Variants in CSMD1 observed in about 807,000 individuals in gnomAD.
The protein encoded by CSMD1 is CUB and sushi domain-containing protein 1.
A neutral mutation model predicts 417.5 loss-of-function variants in CSMD1; 213 were observed. The observed-to-expected ratio is 0.51, with a 90% confidence interval of 0.46 to 0.57. The LOEUF is 0.57. CSMD1 is among the 20% of genes least tolerant of loss of function. The pLI is 0.00. For synonymous variants in CSMD1, 2,862 were observed against 1,736.8 expected, an observed-to-expected ratio of 1.65 and a Z score of -16.11; for missense variants, 6,923 against 4,529.7, an observed-to-expected ratio of 1.53 and a Z score of -15.17.
At chr8:2,981,391 T>C (rs770675832) in intron 54 of CSMD1, among the ~76,000 whole-genome samples, 8 of 152,190 alleles carry the variant, frequency 5.3e-5, no homozygotes, top group Admixed American at 1.3e-4. Context: ...GTGAAGTTCA[T>C]GGTGCGGAGA....
chr8:4,839,159 C>T (rs1563551814), intron 1 of CSMD1, among the ~76,000 whole-genome samples: 1 of 152,136 alleles, frequency 6.6e-6, no homozygotes, highest in Non-Finnish European at 1.5e-5. Flanking sequence ...TAAAACCATC[C>T]TTCTTTCCCT....
chr8:4,533,711 A>T (rs1796953676), intron 2 of CSMD1, among the ~76,000 whole-genome samples: 1 of 152,158 alleles, frequency 6.6e-6, no homozygotes, highest in Non-Finnish European at 1.5e-5. Context: ...AATGACTCAC[A>T]GAGAGAAAAA....
chr8:3,376,353 A>G lies in CSMD1; in HGVS notation c.2783-6983T>C, dbSNP rs184555355. ...CAAATTTGTCTGAAAACATATTTGA[A>G]TTGGGAAGGAAAGCATTGATTATAT... is the stretch of plus-strand genomic sequence containing the variant. On this transcript the variant is annotated intron_variant, in intron 18 of 69. Coordinates refer to ENST00000635120, the MANE Select transcript of CSMD1 (RefSeq NM_033225.6). Among the ~76,000 whole-genome samples the G allele has an allele frequency of 4.3e-4, 65 of 152,234 alleles. 3 individuals are homozygous for G. Among genetic ancestry groups the G allele is most frequent in the Non-Finnish European group, 2.9e-5 (2 of 67,994 alleles).
intron 3 of CSMD1, among the ~76,000 whole-genome samples, chr8:4,284,882 CTT>C (rs1796978920): frequency 6.6e-6 from 1 of 152,120 alleles, no homozygotes; most frequent in Non-Finnish European, 1.5e-5. Context: ...TTAAAAAACA[CTT>C]TTCTGTCTCC....
At chr8:3,235,984 C>G (rs1799131834) in intron 26 of CSMD1, among the ~76,000 whole-genome samples, 1 of 132,348 alleles carries the variant, frequency 7.6e-6, no homozygotes, top group Non-Finnish European at 1.5e-5. Context: ...GTGGCACAAT[C>G]TCGGCTCACT....
chr8:4,605,297 G>C (rs779431601), intron 2 of CSMD1, among the ~76,000 whole-genome samples: 1 of 151,998 alleles, frequency 6.6e-6, no homozygotes, highest in African/African-American at 2.4e-5. Flanking sequence ...AGAAGAAGAA[G>C]AAATTTTCAC....
At chr8:4,436,588 C>A (rs754577405) in intron 2 of CSMD1, among the ~76,000 whole-genome samples, 67 of 152,112 alleles carry the variant, frequency 4.4e-4, no homozygotes, top group Non-Finnish European at 7.1e-4. Flanking sequence ...TTGATTATAT[C>A]CATCCTGCTG....
At chr8:4,120,415 G>C (rs117490392) in intron 3 of CSMD1, among the ~76,000 whole-genome samples, 8,641 of 152,262 alleles carry the variant, frequency 0.057, 356 homozygotes, top group Non-Finnish European at 0.087. Flanking sequence ...CCAATTGTTT[G>C]TTGAGTTTTC....
At chr8:4,193,535 A>G (rs760571390) in intron 3 of CSMD1, among the ~76,000 whole-genome samples, 33 of 152,116 alleles carry the variant, frequency 2.2e-4, no homozygotes, top group Non-Finnish European at 4.6e-4. Context: ...GACTGGCTGA[A>G]GAGGTCTGAG....
chr8:4,167,122 C>A (rs1288428588), intron 3 of CSMD1, among the ~76,000 whole-genome samples: 3 of 152,144 alleles, frequency 2.0e-5, no homozygotes, highest in African/African-American at 7.2e-5. Context: ...CATATAAACC[C>A]AAGATGTTAC....
At chr8:4,034,182 G>T (rs936954386) in intron 3 of CSMD1, among the ~76,000 whole-genome samples, 1 of 152,060 alleles carries the variant, frequency 6.6e-6, no homozygotes, top group Non-Finnish European at 1.5e-5. Flanking sequence ...ATACGGAATA[G>T]GAATCATCTA....
intron 3 of CSMD1, among the ~76,000 whole-genome samples, chr8:4,270,855 T>C (rs553997240): frequency 6.6e-6 from 1 of 152,272 alleles, no homozygotes; most frequent in Non-Finnish European, 1.5e-5. Context: ...TACTCACTGA[T>C]GCTTGAAATC....
At chr8:4,780,569 A>T (rs1797103779) in intron 1 of CSMD1, among the ~76,000 whole-genome samples, 1 of 149,714 alleles carries the variant, frequency 6.7e-6, no homozygotes, top group African/African-American at 2.4e-5. Context: ...ATTATTATTT[A>T]TATTTATTTT....
At chr8:2,956,943 A>G (rs1803056120) in intron 63 of CSMD1, among the ~76,000 whole-genome samples, 1 of 152,188 alleles carries the variant, frequency 6.6e-6, no homozygotes, top group South Asian at 2.1e-4. Flanking sequence ...GTAATGATTT[A>G]GAGCAGAGAT....
intron 5 of CSMD1, among the ~76,000 whole-genome samples, chr8:3,941,682 A>G (rs911297577): frequency 6.6e-6 from 1 of 152,192 alleles, no homozygotes; most frequent in Non-Finnish European, 1.5e-5. Context: ...GTTTGACTAG[A>G]ATGTAATGAG....
chr8:4,630,358 G>C (rs1585359298), intron 2 of CSMD1, among the ~76,000 whole-genome samples: 1 of 152,040 alleles, frequency 6.6e-6, no homozygotes, highest in African/African-American at 2.4e-5. Context: ...TAGGGAAGGA[G>C]AGAATTAGGT....
At chr8:3,409,783 A>T (rs920095151) in intron 12 of CSMD1, among the ~76,000 whole-genome samples, 178 bp from the exon 13 acceptor site, 21 of 152,228 alleles carry the variant, frequency 1.4e-4, no homozygotes, top group African/African-American at 4.8e-4. Context: ...CAGAAAAAGA[A>T]TGTCATTTCA....
intron 5 of CSMD1, among the ~76,000 whole-genome samples, chr8:3,794,703 T>C (rs1033623769): frequency 3.3e-5 from 5 of 152,108 alleles, no homozygotes; most frequent in Admixed American, 2.6e-4. Context: ...TGCTTGACTG[T>C]AAACCTAGCA....
chr8:4,348,777 G>A (rs1248682986), intron 3 of CSMD1, among the ~76,000 whole-genome samples: 2 of 152,126 alleles, frequency 1.3e-5, no homozygotes, highest in Non-Finnish European at 2.9e-5. Context: ...CTACGAATGT[G>A]ACTTTCTTTC....
Sources: allele counts gnomAD v4.1 joint callset (sites outside exome capture counted in the v4.1 genomes callset), GRCh38; gene constraint gnomAD v4.1.1; transcripts MANE v1.5; gene names NCBI Gene and HGNC (gene_info 2026-07-23, HGNC 2026-07-21).